ROBO1: variants seen among roughly 807,000 people sequenced by gnomAD.
ROBO1 encodes roundabout homolog 1.
Under a neutral mutation model 195.9 loss-of-function variants are expected in ROBO1, and 149 were observed. The ratio of observed to expected loss-of-function variants is 0.76; its 90% CI spans 0.67 to 0.87. ROBO1 has a LOEUF of 0.87. Among genes scored for constraint, ROBO1 ranks in the 40% least tolerant of loss-of-function variants. ROBO1 has a pLI of 0.00. For missense variants in ROBO1, 1,933 were observed against 2,068.3 expected (o/e 0.93, Z 1.27); for synonymous variants, 816 against 733.2 (o/e 1.11, Z -1.82).
At chr3:79,641,564 TA>T (rs901142408) in intron 1 of ROBO1, among the ~76,000 whole-genome samples, 45 of 150,990 alleles carry the variant, frequency 3.0e-4, no homozygotes, top group African/African-American at 8.5e-4. Flanking sequence ...AAATAATAAA[TA>T]AAAAAAATAA....
chr3:78,941,758 A>G (rs2040157745), intron 3 of ROBO1, among the ~76,000 whole-genome samples: 1 of 152,200 alleles, frequency 6.6e-6, no homozygotes. Flanking sequence ...GCCTGAGTAT[A>G]AGGTGCATTT....
intron 2 of ROBO1, among the ~76,000 whole-genome samples, chr3:79,275,790 A>G (rs2030982309): frequency 6.6e-6 from 1 of 152,142 alleles, no homozygotes; most frequent in African/African-American, 2.4e-5. Context: ...AAATTGCAGG[A>G]TACGATATCA....
chr3:79,728,224 T>C (rs565144555), intron 1 of ROBO1, among the ~76,000 whole-genome samples: 120 of 152,194 alleles, frequency 7.9e-4, no homozygotes, highest in African/African-American at 2.7e-3. Context: ...CCACTCTCTA[T>C]GAAGTTGATA....
At chr3:78,855,084 G>C (rs557832038) in intron 4 of ROBO1, among the ~76,000 whole-genome samples, 2 of 151,692 alleles carry the variant, frequency 1.3e-5, no homozygotes, top group Non-Finnish European at 2.9e-5. Flanking sequence ...ATAAGCACAT[G>C]ATTTATCCCT....
intron 1 of ROBO1, among the ~76,000 whole-genome samples, chr3:79,687,279 A>C (rs1427970761): frequency 2.0e-5 from 3 of 151,830 alleles, no homozygotes; most frequent in Non-Finnish European, 4.4e-5. Flanking sequence ...AGAAAACCTA[A>C]ACCTAAGCAT....
intron 3 of ROBO1, among the ~76,000 whole-genome samples, chr3:78,957,682 TA>T (rs1338332047): frequency 5.9e-5 from 9 of 152,188 alleles, no homozygotes; most frequent in Non-Finnish European, 2.9e-5. Flanking sequence ...CCTTAGGAGT[TA>T]AAAGACTGGA....
intron 2 of ROBO1, among the ~76,000 whole-genome samples, chr3:79,538,618 C>A (rs1440722255): frequency 1.3e-5 from 2 of 152,056 alleles, no homozygotes; most frequent in Non-Finnish European, 2.9e-5. Flanking sequence ...AGCAAGGCCA[C>A]CCATGGTATT....
chr3:79,456,331 C>T (rs576429346), intron 2 of ROBO1, among the ~76,000 whole-genome samples: 1 of 152,126 alleles, frequency 6.6e-6, no homozygotes, highest in South Asian at 2.1e-4. Context: ...AACATCAAGC[C>T]TAACTCATAT....
At chr3:79,230,514 A>G (rs2082299504) in intron 2 of ROBO1, among the ~76,000 whole-genome samples, 2 of 152,014 alleles carry the variant, frequency 1.3e-5, no homozygotes, top group African/African-American at 4.8e-5. Flanking sequence ...GCAAATGTAA[A>G]GTAAGCAAAG....
chr3:79,136,777 C>A (rs1440068144), intron 2 of ROBO1, among the ~76,000 whole-genome samples: 1 of 151,890 alleles, frequency 6.6e-6, no homozygotes, highest in African/African-American at 2.4e-5. Flanking sequence ...TTATCTGTCC[C>A]ATTTTTTTGA....
chr3:79,232,593 C>T (rs1011685013), intron 2 of ROBO1, among the ~76,000 whole-genome samples: 3 of 151,942 alleles, frequency 2.0e-5, no homozygotes, highest in African/African-American at 7.2e-5. Flanking sequence ...TTCTAAAGAA[C>T]CACAGAAGAT....
At chr3:79,494,692 T>C (rs1939637158) in intron 2 of ROBO1, among the ~76,000 whole-genome samples, 1 of 152,124 alleles carries the variant, frequency 6.6e-6, no homozygotes, top group African/African-American at 2.4e-5. Flanking sequence ...CTTTTGGCAT[T>C]AACATAATTG....
At chr3:79,700,962 T>C (rs1452717557) in intron 1 of ROBO1, among the ~76,000 whole-genome samples, 1 of 151,828 alleles carries the variant, frequency 6.6e-6, no homozygotes, top group Admixed American at 6.6e-5. Flanking sequence ...GTTAAGATCT[T>C]ACATTTAAAT....
chr3:78,855,937 T>C (rs2106922079), intron 4 of ROBO1, among the ~76,000 whole-genome samples: 1 of 152,096 alleles, frequency 6.6e-6, no homozygotes, highest in Admixed American at 6.6e-5. Context: ...GTTATCAGGA[T>C]CAAAAATTAC....
At chr3:79,674,252 G>A (rs1173288393) in intron 1 of ROBO1, among the ~76,000 whole-genome samples, 1 of 151,914 alleles carries the variant, frequency 6.6e-6, no homozygotes, top group Admixed American at 6.6e-5. Context: ...TTCTTCAACT[G>A]AAAATTAAAA....
chr3:79,641,222 A>G (rs1421031788), intron 1 of ROBO1, among the ~76,000 whole-genome samples: 5 of 152,150 alleles, frequency 3.3e-5, no homozygotes, highest in Non-Finnish European at 7.3e-5. Flanking sequence ...CCTGCCGCTC[A>G]GAATGCCCTT....
intron 4 of ROBO1, among the ~76,000 whole-genome samples, chr3:78,913,142 T>C (rs1251143596): frequency 6.6e-6 from 1 of 152,168 alleles, no homozygotes; most frequent in African/African-American, 2.4e-5. Flanking sequence ...GTTAAATAAA[T>C]GTGCATTTCT....
intron 26 of ROBO1, among the ~76,000 whole-genome samples, chr3:78,620,401 A>G (rs923365494): frequency 3.9e-5 from 6 of 152,054 alleles, no homozygotes; most frequent in African/African-American, 1.4e-4. Flanking sequence ...AATCCCAGCT[A>G]CTCGGAAGGC....
At chr3:79,483,284 G>A (rs1938966359) in intron 2 of ROBO1, among the ~76,000 whole-genome samples, 1 of 152,188 alleles carries the variant, frequency 6.6e-6, no homozygotes, top group Non-Finnish European at 1.5e-5. Flanking sequence ...TACAGAGCAA[G>A]GTAAAGGGGA....
Sources: allele counts gnomAD v4.1 joint callset (sites outside exome capture counted in the v4.1 genomes callset), GRCh38; gene constraint gnomAD v4.1.1; transcripts MANE v1.5; gene names NCBI Gene and HGNC (gene_info 2026-07-23, HGNC 2026-07-21).